The following NEDD1 variants were observed in gnomAD, a reference collection of about 807,000 sequenced individuals.
The protein encoded by NEDD1 is protein NEDD1.
NEDD1 carries 33 observed loss-of-function variants against 74.0 expected under a neutral mutation model. That is an observed-to-expected ratio of 0.45 (90% CI 0.34 to 0.60). The LOEUF (loss-of-function observed/expected upper bound fraction) is 0.60. Among genes scored for constraint, NEDD1 ranks in the 20% least tolerant of loss-of-function variants. The probability of loss-of-function intolerance (pLI) is 0.01; values close to 1 mark genes in which losing one functional copy is unlikely to be tolerated. For synonymous variants in NEDD1, 250 were observed against 264.4 expected (o/e 0.95, Z 0.53); for missense variants, 746 against 776.5 (o/e 0.96, Z 0.47).
chr12:96,921,764 G>A (rs1875124893), intron 6 of NEDD1, among the ~76,000 whole-genome samples: 1 of 146,258 alleles, frequency 6.8e-6, no homozygotes, highest in Non-Finnish European at 1.5e-5. Context: ...GCTCAAGTGG[G>A]AGCCTGGCTA....
chr12:96,934,576 C>T (rs964955349), intron 6 of NEDD1, among the ~76,000 whole-genome samples: 1 of 151,268 alleles, frequency 6.6e-6, no homozygotes, highest in African/African-American at 2.4e-5. Context: ...CTCACTCTGT[C>T]GCCCAGGCTG....
chr12:96,926,988 T>TTG (rs58398494), intron 6 of NEDD1, among the ~76,000 whole-genome samples: 2,364 of 147,902 alleles, frequency 0.016, 71 homozygotes, highest in East Asian at 0.092. Flanking sequence ...AAAAAAAAAA[T>TTG]TGTGTGTGTG....
intron 6 of NEDD1, 57 bp downstream of exon 6, chr12:96,920,182 T>C: frequency 9.5e-7 from 1 of 1,047,746 alleles, no homozygotes; most frequent in African/African-American, 1.6e-5. Context: ...AATTGTATCT[T>C]ACATAAGACT....
intron 4 of NEDD1, among the ~76,000 whole-genome samples, chr12:96,916,129 A>G (rs1874412163): frequency 6.6e-6 from 1 of 152,016 alleles, no homozygotes; most frequent in South Asian, 2.1e-4. Context: ...GTGGATGAGG[A>G]AGAAAATGGT....
At chr12:96,923,422 T>G (rs986514371) in intron 6 of NEDD1, among the ~76,000 whole-genome samples, 4 of 152,204 alleles carry the variant, frequency 2.6e-5, no homozygotes, top group Non-Finnish European at 5.9e-5. Context: ...ACAGTTTTAC[T>G]TTATGAAAAA....
intron 6 of NEDD1, among the ~76,000 whole-genome samples, chr12:96,925,704 T>C (rs1875617108): frequency 1.3e-5 from 2 of 152,212 alleles, no homozygotes; most frequent in African/African-American, 2.4e-5. Context: ...TATTGTTAAT[T>C]TTGAAAGGAT....
In NEDD1 at chr12:96,951,868, T is replaced by C. The variant is rs1396955020; in HGVS notation, c.1879-81T>C. Reference sequence around the variant, plus strand: ...AGTTAATTGAACATGAGAGAAATGATAGCTGAAAGTATATTAAACATAGCC... The same window carrying C: ...AGTTAATTGAACATGAGAGAAATGACAGCTGAAAGTATATTAAACATAGCC... On this transcript the variant is annotated intron_variant, in intron 15 of 15. Transcript: ENST00000266742. The C allele has an allele frequency of 8.2e-6, 6 of 731,614 alleles. No homozygotes were observed. In the East Asian group the frequency reaches 1.6e-4, roughly 19 times the overall value. 45.3% of individuals were successfully genotyped at this position (731,614 alleles called of 1,614,324 possible). A position where few individuals can be genotyped will look rare whatever the true frequency, so the allele number is the denominator to read the frequency against.
At chr12:96,933,538 C>G (rs953910609) in intron 6 of NEDD1, among the ~76,000 whole-genome samples, 1 of 151,998 alleles carries the variant, frequency 6.6e-6, no homozygotes, top group Non-Finnish European at 1.5e-5. Context: ...TTTTTCCCAA[C>G]AAAAATAAAA....
At chr12:96,918,432 A>G (rs1182879393) in intron 5 of NEDD1, among the ~76,000 whole-genome samples, 2 of 152,058 alleles carry the variant, frequency 1.3e-5, no homozygotes. Context: ...ATTTATATCT[A>G]CACACATACA....
At chr12:96,941,513 A>G (rs757149978) in intron 10 of NEDD1, among the ~76,000 whole-genome samples, 14 of 152,084 alleles carry the variant, frequency 9.2e-5, no homozygotes, top group Non-Finnish European at 2.1e-4. Flanking sequence ...AAGTCGAACT[A>G]CATCAAACTA....
rs532344291 is a variant in NEDD1, at chr12:96,942,879, T to C, written c.1294+255T>C. 7.1e-4 allele frequency among the ~76,000 whole-genome samples: 105 copies of C among 148,722 alleles called. 1 individual carries two copies. The highest frequency in any genetic ancestry group is 1.1e-3 in the Non-Finnish European group (76 of 66,896). On this transcript the variant is annotated intron_variant, in intron 11 of 15. Transcript: ENST00000266742. The stretch of plus-strand genomic sequence containing the variant: ...ACTGGGCAGGGAACTGTTTCCAAGC[T>C]CATTCCTATGGCTGTTGGCTGGAGA...
intron 6 of NEDD1, among the ~76,000 whole-genome samples, chr12:96,932,442 TAA>T (rs747225218): frequency 1.3e-3 from 14 of 10,650 alleles, no homozygotes; most frequent in African/African-American, 1.9e-3. Context: ...TCCTGTCTCT[TAA>T]AAAAAAAAAA....
At chr12:96,931,445 A>G (rs551397527) in intron 6 of NEDD1, among the ~76,000 whole-genome samples, 1 of 152,322 alleles carries the variant, frequency 6.6e-6, no homozygotes, top group Non-Finnish European at 1.5e-5. Context: ...GCAAATTAGT[A>G]TTTTAAAAAT....
rs1478436191 is a variant in NEDD1, at chr12:96,943,834, T to C, written c.1497+72T>C. ...TAGAAAGTGGGTGGCTGCCAGTGCA[T>C]GTATCCTAATTATTAGCATTGCTAT... On this transcript the variant is annotated intron_variant, in intron 12 of 15. Coordinates refer to ENST00000266742, the MANE Select transcript of NEDD1 (RefSeq NM_152905.4). 3 of 835,556 alleles carry C rather than the reference T, an allele frequency of 3.6e-6. No individual in the cohort carries two copies. In the African/African-American group the frequency reaches 5.2e-5, roughly 14 times the overall value. 51.8% of individuals were successfully genotyped at this position (835,556 alleles called of 1,614,324 possible). A position where few individuals can be genotyped will look rare whatever the true frequency, so the allele number is the denominator to read the frequency against.
chr12:96,925,532 T>G (rs1248010742), intron 6 of NEDD1, among the ~76,000 whole-genome samples: 1 of 152,202 alleles, frequency 6.6e-6, no homozygotes, highest in Non-Finnish European at 1.5e-5. Context: ...CATTTTCTTT[T>G]GCATATCTAG....
At chr12:96,944,186 G>C (rs1388487403) in intron 12 of NEDD1, among the ~76,000 whole-genome samples, 1 of 151,852 alleles carries the variant, frequency 6.6e-6, no homozygotes, top group East Asian at 1.9e-4. Context: ...GGTTCAAAAT[G>C]ATCAAAAATT....
rs780480091 is a variant in NEDD1 at position 96,943,706 on chromosome 12, G to C, written c.1441G>C (p.Ala481Pro). Residue 481 changes from alanine to proline, a missense_variant, in exon 12 of 16, where the codon GCT becomes CCT. Transcript: ENST00000266742. The stretch of plus-strand genomic sequence containing the variant: ...GGAAAATGAAAACCGTGATCTAACA[G>C]CTGAGTCTAAGAAAATATATATGGG... Reference protein sequence around the residue: ...KEENENRDLTAESKKIYMGKQ... With the variant: ...KEENENRDLTPESKKIYMGKQ... 28 of 1,612,590 alleles carry C rather than the reference G, an allele frequency of 1.7e-5. No homozygotes were observed. The highest frequency in any genetic ancestry group is 1.7e-4 in the Admixed American group (10 of 59,938).
intron 4 of NEDD1, 23 bp from the exon 5 acceptor site, chr12:96,917,598 C>CTTTT: frequency 7.4e-7 from 1 of 1,358,048 alleles, no homozygotes; most frequent in Admixed American, 2.8e-5. Context: ...ATTAAGGTAA[C>CTTTT]TTTTTTTTTT....
chr12:96,949,529 G>A (rs1878510715), intron 14 of NEDD1, among the ~76,000 whole-genome samples: 1 of 151,950 alleles, frequency 6.6e-6, no homozygotes, highest in Non-Finnish European at 1.5e-5. Context: ...ATCCCAGCTG[G>A]GATTTGGAAG....
Sources: allele counts gnomAD v4.1 joint callset (sites outside exome capture counted in the v4.1 genomes callset), GRCh38; gene constraint gnomAD v4.1.1; transcripts MANE v1.5; gene names NCBI Gene and HGNC (gene_info 2026-07-23, HGNC 2026-07-21).